HEMK2: variants seen among roughly 807,000 people sequenced by gnomAD.
HEMK2 encodes methyltransferase HEMK2.
the HEMK2 span, among the ~76,000 whole-genome samples, chr21:28,805,987 C>G: frequency 7.2e-5 from 11 of 152,258 alleles, no homozygotes; most frequent in East Asian, 2.1e-3. Context: ...TTTGTGATTT[C>G]TTTTCCCTTG....
the HEMK2 span, among the ~76,000 whole-genome samples, chr21:28,758,460 C>T: frequency 7.2e-5 from 11 of 152,280 alleles, 1 homozygote; most frequent in South Asian, 1.9e-3. Flanking sequence ...AACACTAACT[C>T]ATCCATCGCA....
the HEMK2 span, among the ~76,000 whole-genome samples, chr21:28,640,982 G>A: frequency 2.0e-5 from 3 of 152,118 alleles, no homozygotes; most frequent in Admixed American, 6.5e-5. Context: ...ACCCTACCGC[G>A]CATATTGGGC....
the HEMK2 span, among the ~76,000 whole-genome samples, chr21:28,696,748 T>C: frequency 6.6e-6 from 1 of 152,370 alleles, no homozygotes; most frequent in Non-Finnish European, 1.5e-5. Flanking sequence ...AACACAACTC[T>C]ACCTAGACAT....
chr21:28,679,884 G>A, the HEMK2 span, among the ~76,000 whole-genome samples: 1 of 152,018 alleles, frequency 6.6e-6, no homozygotes, highest in Non-Finnish European at 1.5e-5. Flanking sequence ...CAGAATCTCT[G>A]GGACACATTC....
At chr21:28,700,395 C>G in the HEMK2 span, among the ~76,000 whole-genome samples, 1 of 151,962 alleles carries the variant, frequency 6.6e-6, no homozygotes, top group African/African-American at 2.4e-5. Context: ...AGACTACTAG[C>G]TAGACTAATA....
the HEMK2 span, among the ~76,000 whole-genome samples, chr21:28,594,139 G>A: frequency 6.6e-6 from 1 of 152,100 alleles, no homozygotes; most frequent in Non-Finnish European, 1.5e-5. Flanking sequence ...AACCCAAATT[G>A]AGGGACATTT....
At chr21:28,883,136 T>C in the HEMK2 span, 3 of 1,107,942 alleles carry the variant, frequency 2.7e-6, no homozygotes, top group Non-Finnish European at 3.9e-6. Context: ...AAAACTCTCA[T>C]GCTAGTGTTA....
chr21:28,778,724 T>C, the HEMK2 span, among the ~76,000 whole-genome samples: 2 of 152,374 alleles, frequency 1.3e-5, no homozygotes, highest in East Asian at 1.9e-4. Flanking sequence ...ATCTTCTTCA[T>C]TGAAGTGTTT....
the HEMK2 span, among the ~76,000 whole-genome samples, chr21:28,615,819 C>CA: frequency 6.6e-6 from 1 of 152,036 alleles, no homozygotes; most frequent in Non-Finnish European, 1.5e-5. Context: ...AAAGGCTTAA[C>CA]GATTGCTTTC....
the HEMK2 span, among the ~76,000 whole-genome samples, chr21:28,864,896 T>TA: frequency 1.1e-5 from 1 of 88,426 alleles, no homozygotes; most frequent in Non-Finnish European, 2.6e-5. Flanking sequence ...AGATGATAGA[T>TA]AGATATAGAT....
chr21:28,597,002 C>A, the HEMK2 span, among the ~76,000 whole-genome samples: 15 of 152,088 alleles, frequency 9.9e-5, no homozygotes, highest in Non-Finnish European at 2.1e-4. Flanking sequence ...GATCCCAGCC[C>A]TCTATTAAAC....
chr21:28,641,764 A>T, the HEMK2 span, among the ~76,000 whole-genome samples: 1 of 152,246 alleles, frequency 6.6e-6, no homozygotes, highest in African/African-American at 2.4e-5. Flanking sequence ...CAATTTCTTC[A>T]GTTTTTATTA....
the HEMK2 span, among the ~76,000 whole-genome samples, chr21:28,629,241 A>C: frequency 2.6e-5 from 4 of 152,334 alleles, no homozygotes; most frequent in South Asian, 8.3e-4. Context: ...TCTTTCTCTA[A>C]AGTCTCACTG....
the HEMK2 span, among the ~76,000 whole-genome samples, chr21:28,758,324 T>A: frequency 6.6e-6 from 1 of 152,200 alleles, no homozygotes; most frequent in East Asian, 1.9e-4. Context: ...GCAATCATGT[T>A]GGGCGGGACA....
chr21:28,765,369 TAA>T, the HEMK2 span, among the ~76,000 whole-genome samples: 1 of 152,148 alleles, frequency 6.6e-6, no homozygotes, highest in African/African-American at 2.4e-5. Context: ...CAGAAACTAA[TAA>T]GTGTGTGTTG....
chr21:28,859,071 A>G, the HEMK2 span, among the ~76,000 whole-genome samples: 8 of 152,270 alleles, frequency 5.3e-5, no homozygotes, highest in South Asian at 1.2e-3. Context: ...AGCTTTGTTC[A>G]TATTTCCCTT....
At chr21:28,606,963 T>C in the HEMK2 span, among the ~76,000 whole-genome samples, 2 of 152,322 alleles carry the variant, frequency 1.3e-5, no homozygotes, top group Middle Eastern at 3.4e-3. Context: ...GACATATTTA[T>C]TGAACAGCAA....
the HEMK2 span, among the ~76,000 whole-genome samples, chr21:28,738,101 C>T: frequency 2.6e-5 from 4 of 152,224 alleles, no homozygotes; most frequent in East Asian, 1.9e-4. Flanking sequence ...AACAATTTGC[C>T]GACACATGAG....
At chr21:28,729,417 C>A in the HEMK2 span, among the ~76,000 whole-genome samples, 1 of 152,070 alleles carries the variant, frequency 6.6e-6, no homozygotes, top group Non-Finnish European at 1.5e-5. Flanking sequence ...TCTGCCAAGT[C>A]CTATAGCAGT....
Sources: allele counts gnomAD v4.1 joint callset (sites outside exome capture counted in the v4.1 genomes callset), GRCh38; gene constraint gnomAD v4.1.1; transcripts MANE v1.5; gene names NCBI Gene and HGNC (gene_info 2026-07-23, HGNC 2026-07-21).